The following IDS variants were observed in gnomAD, a reference collection of about 807,000 sequenced individuals.
IDS encodes the protein iduronate 2-sulfatase.
Under a neutral mutation model 33.5 loss-of-function variants are expected in IDS, and 1 was observed. The observed-to-expected ratio is 0.03, with a 90% CI of 0.01 to 0.14. The LOEUF is 0.14. Ranked by LOEUF, IDS falls within the 10% of genes least tolerant of loss-of-function variation. The pLI is 1.00. For synonymous variants in IDS, 191 were observed against 184.4 expected, an observed-to-expected ratio of 1.04 and a Z score of -0.29; for missense variants, 328 against 448.0, an observed-to-expected ratio of 0.73 and a Z score of 2.42.
Position 149,487,358 on chromosome X carries a change from TAACA to T in IDS, c.1007-264_1007-261del, listed in dbSNP as rs781961434. On this transcript the variant is annotated intron_variant, in intron 7 of 8. Transcript: ENST00000340855. ...ATTAAATTCCCAAACTCAAATATCT[TAACA>T]AACTACTAGCAACATATACCTAACG... is the stretch of plus-strand genomic sequence containing the variant. 5.1e-6 allele frequency: 5 copies of T among 989,367 alleles called. No homozygotes were observed. In the African/African-American group the frequency reaches 5.7e-5, roughly 11 times the overall value. The allele number at this position is 989,367 out of a possible 1,213,427, so 81.5% of individuals were successfully genotyped here.
Position 149,498,171 on chromosome X carries a change from G to A in IDS, c.644C>T (p.Ser215Leu). The change falls in exon 5 of 9, where the codon TCA becomes TTA. Residue 215 changes from serine (S) to leucine (L), a missense_variant. Transcript: ENST00000340855. ...AIQLLEKMKT[S>L]ASPFFLAVGY... Reference sequence around the variant, plus strand: ...AACGGCCAGGAAGAAAGGACTGGCTGACGTTTTCATCTTTTCCAACAACTG... The same window carrying A: ...AACGGCCAGGAAGAAAGGACTGGCTAACGTTTTCATCTTTTCCAACAACTG... 4 of 1,211,789 alleles carry A rather than the reference G, an allele frequency of 3.3e-6. No homozygotes were observed. Among genetic ancestry groups the A allele is most frequent in the African/African-American group, 1.7e-5 (1 of 57,800 alleles).
chrX:149,486,234 T>C (rs1308305503), intron 8 of IDS, among the ~76,000 whole-genome samples: 1 of 111,551 alleles, frequency 9.0e-6, no homozygotes, highest in Admixed American at 9.5e-5. Flanking sequence ...ACTGAAACTT[T>C]TTGGAAGACA....
chrX:149,486,079 G>A (rs373644625), intron 8 of IDS, among the ~76,000 whole-genome samples: 3 of 111,616 alleles, frequency 2.7e-5, no homozygotes, highest in African/African-American at 9.8e-5. Flanking sequence ...AACGTCATAC[G>A]TCATTTCAGA....
At chrX:149,497,469 T>C (rs781952033) in intron 5 of IDS, among the ~76,000 whole-genome samples, 1 of 112,228 alleles carries the variant, frequency 8.9e-6, no homozygotes, top group African/African-American at 3.2e-5. Flanking sequence ...CAAAGCAAGA[T>C]ACCTGCAACA....
intron 7 of IDS, among the ~76,000 whole-genome samples, chrX:149,487,785 C>T (rs2089352165): frequency 9.4e-6 from 1 of 106,262 alleles, no homozygotes; most frequent in Admixed American, 1.0e-4. Flanking sequence ...AGTTACAGCA[C>T]CCTTTTTGAT....
At chrX:149,503,946 C>A (rs1252137620) in intron 2 of IDS, among the ~76,000 whole-genome samples, 3 of 111,597 alleles carry the variant, frequency 2.7e-5, no homozygotes, top group Admixed American at 9.4e-5. Flanking sequence ...CCAGGGCGCA[C>A]CTTGCACCCA....
chrX:149,504,218 C>A lies in IDS; in HGVS notation c.179G>T (p.Arg60Met), dbSNP rs2089504337. 8.3e-7 allele frequency: 1 copy of A among 1,206,503 alleles called. No homozygotes were observed. Among genetic ancestry groups the A allele is most frequent in the African/African-American group, 1.8e-5 (1 of 57,139 alleles). The change falls in exon 2 of 9, where the codon AGG (arginine) becomes ATG (methionine). Residue 60 changes from arginine (R) to methionine (M), a missense_variant. Physicochemically the swap from Arg to Met is moderately conservative, Grantham distance 91. Coordinates refer to ENST00000340855, the MANE Select transcript of IDS (RefSeq NM_000202.8). ...TGCCAGTTGGTCAATATTTGGGGAC[C>A]TCACCAGCTTATCCCCATAACAGCC... ...SLGCYGDKLVRSPNIDQLASH... is the reference protein window; with the variant it reads ...SLGCYGDKLVMSPNIDQLASH...
chrX:149,490,220 C>T, intron 7 of IDS, 94 bp downstream of exon 7: 1 of 920,610 alleles, frequency 1.1e-6, no homozygotes, highest in Middle Eastern at 2.8e-4. Context: ...CAAAAGAGAA[C>T]ACACCCATGT....
chrX:149,478,535 A>G lies in IDS; in HGVS notation c.*4211T>C, dbSNP rs1557337087. The G allele has an allele frequency of 8.8e-6, 1 of 113,015 alleles. No homozygotes were observed. Among genetic ancestry groups the G allele is most frequent in the Non-Finnish European group, 1.9e-5 (1 of 53,420 alleles). 9.3% of individuals were successfully genotyped at this position (113,015 alleles called of 1,213,427 possible). On this transcript the variant is annotated 3_prime_UTR_variant, in exon 9 of 9. Transcript: ENST00000340855. ...AGATCAAAAAAACAAGATATAGATT[A>G]TATGTGGTAGTCTGCATGTATGTAA...
Position 149,482,445 on chromosome X carries a change from G to A in IDS, c.*301C>T. On this transcript the variant is annotated 3_prime_UTR_variant, in exon 9 of 9. Coordinates refer to ENST00000340855, the MANE Select transcript of IDS (RefSeq NM_000202.8). The stretch of plus-strand genomic sequence containing the variant: ...TTATGTATGGTCTTCGTATCCAAAG[G>A]TATGACATAACTTGAGTTTGTTTGC... The A allele has an allele frequency of 3.3e-6, 1 of 304,780 alleles. No individual in the cohort carries two copies. The highest frequency in any genetic ancestry group is 5.8e-6 in the Non-Finnish European group (1 of 173,542). 25.1% of individuals were successfully genotyped at this position (304,780 alleles called of 1,213,427 possible). A position where few individuals can be genotyped will look rare whatever the true frequency, so the allele number is the denominator to read the frequency against.
In IDS at chrX:149,504,893, C is replaced by T. The variant is rs782441709; in HGVS notation, c.103+142G>A. The T allele has an allele frequency of 1.1e-5, 5 of 439,482 alleles. No homozygotes were observed. In the East Asian group the frequency reaches 1.6e-4, roughly 14 times the overall value. 36.2% of individuals were successfully genotyped at this position (439,482 alleles called of 1,213,427 possible). ...AGGAGTGAAAAATGGAGGGAGGGAA[C>T]GAATGATGGATGAAAGAAGGAATGG... On this transcript the variant is annotated intron_variant, in intron 1 of 8. Coordinates refer to ENST00000340855, the MANE Select transcript of IDS (RefSeq NM_000202.8).
chrX:149,479,619 G>A lies in IDS; in HGVS notation c.*3127C>T, dbSNP rs2089284859. ...CTAAATTTCTAACAATTGAAAGAAG[G>A]TTAAGTAAATTATAAGACTACACAA... On this transcript the variant is annotated 3_prime_UTR_variant, in exon 9 of 9. Coordinates refer to ENST00000340855, the MANE Select transcript of IDS (RefSeq NM_000202.8). The A allele has an allele frequency of 8.9e-6, 1 of 111,820 alleles. No individual in the cohort carries two copies. The highest frequency in any genetic ancestry group is 9.5e-5 in the Admixed American group (1 of 10,538). 9.2% of individuals were successfully genotyped at this position (111,820 alleles called of 1,213,427 possible). A position where few individuals can be genotyped will look rare whatever the true frequency, so the allele number is the denominator to read the frequency against.
intron 8 of IDS, among the ~76,000 whole-genome samples, chrX:149,484,484 G>A: frequency 8.9e-6 from 1 of 112,094 alleles, no homozygotes; most frequent in East Asian, 2.8e-4. Context: ...GCCACACCCA[G>A]CTAATTTTTG....
chrX:149,502,719 G>T, intron 3 of IDS: 1 of 130,625 alleles, frequency 7.7e-6, no homozygotes, highest in South Asian at 2.2e-4. Flanking sequence ...AAGTTTGTTT[G>T]CTTTTCACTA....
chrX:149,503,109 C>G, intron 3 of IDS: 1 of 1,137,492 alleles, frequency 8.8e-7, no homozygotes, highest in Non-Finnish European at 1.2e-6. Flanking sequence ...TGAAAGGAAG[C>G]AAAGCTCTTT....
Position 149,482,762 on chromosome X carries a change from T to C in IDS, c.1637A>G (p.Gln546Arg). Residue 546 changes from glutamine (Q) to arginine (R), a missense_variant, in exon 9 of 9, where the codon CAG becomes CGG. Around this residue, in one of 4 missense-constraint regions of IDS, gnomAD observed 265 missense variants for 339.2 expected, o/e 0.78. Coordinates refer to ENST00000340855, the MANE Select transcript of IDS (RefSeq NM_000202.8). ...YNDSQGGDLF[Q>R]LLMP is the part of the protein sequence containing the mutation. ...TGGCAAAACTCAAGGCATCAACAAC[T>C]GGAAAAGATCTCCACCTTGGGAATC... The C allele has an allele frequency of 8.3e-7, 1 of 1,211,198 alleles. No individual in the cohort carries two copies. The highest frequency in any genetic ancestry group is 1.1e-6 in the Non-Finnish European group (1 of 895,381).
At position 149,504,102 on chromosome X, in the gene IDS, C is replaced by T. The variant is rs1168951324; in HGVS notation, c.240+55G>A. On this transcript the variant is annotated intron_variant, in intron 2 of 8. Coordinates refer to ENST00000340855, the MANE Select transcript of IDS (RefSeq NM_000202.8). ...GACAATAGCTGAAGCTCCCCGCCCC[C>T]AACCCTCAGTGCACGAAGCAGCACA... is the stretch of plus-strand genomic sequence containing the variant. The T allele has an allele frequency of 4.4e-6, 5 of 1,133,896 alleles. No individual in the cohort carries two copies. In the East Asian group the frequency reaches 9.1e-5, roughly 21 times the overall value. The allele number at this position is 1,133,896 out of a possible 1,213,427, so 93.4% of individuals were successfully genotyped here.
Position 149,505,258 on chromosome X carries a change from A to C in IDS, c.-121T>G. ...CGGGAACCCATGAAGACTGCGCAAC[A>C]CAGCCGCCGCCCGGGCCCGCAGGCC... On this transcript the variant is annotated 5_prime_UTR_variant, in exon 1 of 9. Coordinates refer to ENST00000340855, the MANE Select transcript of IDS (RefSeq NM_000202.8). 1 of 377,894 alleles carries C rather than the reference A, an allele frequency of 2.6e-6. No individual in the cohort carries two copies. Among genetic ancestry groups the C allele is most frequent in the African/African-American group, 2.6e-5 (1 of 37,908 alleles). 31.1% of individuals were successfully genotyped at this position (377,894 alleles called of 1,213,427 possible).
At chrX:149,486,722 G>C (rs1301354461) in intron 8 of IDS, among the ~76,000 whole-genome samples, 1 of 111,162 alleles carries the variant, frequency 9.0e-6, no homozygotes, top group Non-Finnish European at 1.9e-5. Flanking sequence ...GTCAATTCTG[G>C]TTCTGTCACT....
Sources: gnomAD v4.1 joint callset for allele counts (sites outside exome capture counted in the v4.1 genomes callset) on GRCh38, gnomAD v4.1.1 for gene constraint, gnomAD v4.1.1 regional missense constraint, MANE v1.5 for transcripts, NCBI Gene and HGNC (gene_info 2026-07-23, HGNC 2026-07-21) for gene names.